The following ATF7IP2 variants were observed in gnomAD, a reference collection of about 807,000 sequenced individuals.
ATF7IP2 encodes the protein activating transcription factor 7-interacting protein 2.
In ATF7IP2, 42 loss-of-function variants were observed where a neutral mutation model predicts 64.2. That is an observed-to-expected ratio of 0.65 (90% CI 0.51 to 0.85). The LOEUF (loss-of-function observed/expected upper bound fraction) is 0.85, where lower values mean the gene tolerates loss of function less well. ATF7IP2 is among the 40% of genes least tolerant of loss of function. The pLI, the probability that ATF7IP2 is intolerant of heterozygous loss-of-function variation, is 0.00. For missense variants in ATF7IP2, 933 were observed against 784.2 expected, an observed-to-expected ratio of 1.19 and a Z score of -2.27; for synonymous variants, 308 against 272.8, an observed-to-expected ratio of 1.13 and a Z score of -1.27.
At chr16:10,431,897 C>T (rs569711532) in intron 5 of ATF7IP2, among the ~76,000 whole-genome samples, 1 of 146,740 alleles carries the variant, frequency 6.8e-6, no homozygotes, top group Admixed American at 6.9e-5. Context: ...GATCTTGGCT[C>T]ACTGCAACCC....
intron 1 of ATF7IP2, chr16:10,386,813 T>A (rs1211939140): frequency 6.6e-6 from 1 of 151,908 alleles, no homozygotes; most frequent in Non-Finnish European, 1.5e-5. Context: ...ACCAGTTTTC[T>A]CCAAGTTTGG....
chr16:10,415,062 C>T (rs2047844345), intron 2 of ATF7IP2, among the ~76,000 whole-genome samples: 1 of 152,158 alleles, frequency 6.6e-6, no homozygotes, highest in South Asian at 2.1e-4. Context: ...TTAAAGCAGT[C>T]TGCAGATTCA....
chr16:10,418,888 A>G (rs1353290840), intron 2 of ATF7IP2, among the ~76,000 whole-genome samples: 1 of 152,166 alleles, frequency 6.6e-6, no homozygotes, highest in African/African-American at 2.4e-5. Context: ...CTCTTGCCAT[A>G]CTTCTTACCA....
intron 8 of ATF7IP2, among the ~76,000 whole-genome samples, chr16:10,442,099 G>A (rs906180245): frequency 6.6e-6 from 1 of 152,204 alleles, no homozygotes; most frequent in Non-Finnish European, 1.5e-5. Context: ...TTTAGAATAG[G>A]ATAAAGAACC....
chr16:10,428,802 C>T (rs745630969), intron 3 of ATF7IP2, 66 bp from the exon 4 acceptor site: 1 of 152,108 alleles, frequency 6.6e-6, no homozygotes, highest in Non-Finnish European at 1.5e-5. Context: ...CACTTTTCTC[C>T]TGTCAAAAAT....
At chr16:10,480,233 T>C (rs775430858) in intron 12 of ATF7IP2, among the ~76,000 whole-genome samples, 1 of 151,992 alleles carries the variant, frequency 6.6e-6, no homozygotes, top group Admixed American at 6.6e-5. Context: ...GTCATCTGCG[T>C]CCTAAAGTGC....
chr16:10,429,716 T>TTTTA (rs1459461976), intron 4 of ATF7IP2, among the ~76,000 whole-genome samples: 2 of 143,184 alleles, frequency 1.4e-5, no homozygotes, highest in Non-Finnish European at 3.0e-5. Context: ...TTTTATTTTA[T>TTTTA]TTTATTTTAT....
At chr16:10,421,360 C>T (rs1277281045) in intron 3 of ATF7IP2, among the ~76,000 whole-genome samples, 1 of 152,142 alleles carries the variant, frequency 6.6e-6, no homozygotes, top group East Asian at 1.9e-4. Context: ...TCTCAATTAG[C>T]TGGAACTCTG....
intron 1 of ATF7IP2, chr16:10,387,374 TCA>T (rs1223699197): frequency 6.6e-6 from 1 of 152,236 alleles, no homozygotes; most frequent in Non-Finnish European, 1.5e-5. Context: ...TACTTCACTC[TCA>T]GTCTTATCTG....
chr16:10,403,948 C>T (rs555068514), intron 1 of ATF7IP2, among the ~76,000 whole-genome samples: 7 of 152,046 alleles, frequency 4.6e-5, no homozygotes, highest in East Asian at 3.9e-4. Flanking sequence ...TACATAAAGC[C>T]GCAGAACTAA....
chr16:10,409,754 C>CT (rs1292047945), intron 1 of ATF7IP2, among the ~76,000 whole-genome samples: 1 of 152,194 alleles, frequency 6.6e-6, no homozygotes, highest in Admixed American at 6.5e-5. Flanking sequence ...TGATTTTTGT[C>CT]TAAGGTGAGA....
intron 13 of ATF7IP2, 25 bp from the exon 14 acceptor site, chr16:10,481,811 T>C (rs745889552): frequency 1.3e-6 from 2 of 1,539,376 alleles, no homozygotes; most frequent in Non-Finnish European, 8.7e-7. Flanking sequence ...TTAAAAGCTA[T>C]ATTTTCTTAC....
intron 4 of ATF7IP2, among the ~76,000 whole-genome samples, chr16:10,429,706 TTTTATTTTATTTTATTTTATTTTA>T (rs1231792436): frequency 5.1e-5 from 7 of 137,222 alleles, no homozygotes; most frequent in Admixed American, 1.4e-4. Flanking sequence ...TTTTATTTTA[TTTTATTTTATTTTATTTTATTTTA>T]TTTATTTTAT....
intron 3 of ATF7IP2, among the ~76,000 whole-genome samples, chr16:10,427,336 C>T (rs1326464211): frequency 6.6e-6 from 1 of 152,126 alleles, no homozygotes; most frequent in Non-Finnish European, 1.5e-5. Flanking sequence ...AATTCTTTAT[C>T]CAAGTAGATT....
intron 1 of ATF7IP2, among the ~76,000 whole-genome samples, chr16:10,389,492 T>C (rs1040857392): frequency 2.0e-5 from 3 of 152,090 alleles, no homozygotes; most frequent in African/African-American, 7.2e-5. Flanking sequence ...CTGTGAGTGC[T>C]CCCCGTCCAG....
At chr16:10,418,973 T>C (rs1216394861) in intron 2 of ATF7IP2, among the ~76,000 whole-genome samples, 1 of 152,196 alleles carries the variant, frequency 6.6e-6, no homozygotes, top group Non-Finnish European at 1.5e-5. Flanking sequence ...AGAGGTACAA[T>C]TTGTGCTAAA....
intron 8 of ATF7IP2, chr16:10,453,954 G>GT (rs1204772634): frequency 6.6e-6 from 1 of 151,406 alleles, no homozygotes; most frequent in Non-Finnish European, 1.5e-5. Flanking sequence ...AGCTTTCTTC[G>GT]TAAGAAGGCT....
intron 9 of ATF7IP2, among the ~76,000 whole-genome samples, chr16:10,469,134 CA>C (rs1310934462): frequency 6.6e-6 from 1 of 152,032 alleles, no homozygotes; most frequent in Non-Finnish European, 1.5e-5. Flanking sequence ...TGCAACATAG[CA>C]AAAAATATGA....
At chr16:10,400,815 G>A (rs762391840) in intron 1 of ATF7IP2, among the ~76,000 whole-genome samples, 27 of 152,142 alleles carry the variant, frequency 1.8e-4, no homozygotes, top group Non-Finnish European at 2.8e-4. Flanking sequence ...CTGAGTAGCT[G>A]AGATTACAGG....
Sources: gnomAD v4.1 joint callset for allele counts (sites outside exome capture counted in the v4.1 genomes callset) on GRCh38, gnomAD v4.1.1 for gene constraint, MANE v1.5 for transcripts, NCBI Gene and HGNC (gene_info 2026-07-23, HGNC 2026-07-21) for gene names.